The following ERN2 variants were observed in gnomAD, a reference collection of about 807,000 sequenced individuals.
The protein encoded by ERN2 is endoplasmic reticulum to nucleus signaling 2.
In ERN2, 111 loss-of-function variants were observed where a neutral mutation model predicts 107.9. The observed-to-expected ratio is 1.03, with a 90% CI of 0.88 to 1.20. The LOEUF (loss-of-function observed/expected upper bound fraction) is 1.20. Ranked by LOEUF, ERN2 falls within the 50% of genes most tolerant of loss-of-function variation. The pLI is 0.00. For synonymous variants in ERN2, 524 were observed against 501.7 expected, an observed-to-expected ratio of 1.04 and a Z score of -0.59; for missense variants, 1,225 against 1,197.9, an observed-to-expected ratio of 1.02 and a Z score of -0.33.
chr16:23,695,938 G>A lies in ERN2; in HGVS notation c.1566C>T (p.Pro522=). The part of the protein sequence containing the change: ...LTVVGKISFN[P]KDVLGRGAGG... ...CTGCCCCGCGGCCCAGCACGTCCTT[G>A]GGATTGAAGGAAATCTTCCCCACTA... Residue 522 remains proline (P), a synonymous_variant, in exon 14 of 22, where the codon CCC becomes CCT. Transcript: ENST00000256797. 1 of 1,614,176 alleles carries A rather than the reference G, an allele frequency of 6.2e-7. No homozygotes were observed. The highest frequency in any genetic ancestry group is 1.1e-5 in the South Asian group (1 of 91,088).
At chr16:23,705,950 G>T (rs7192169) in intron 7 of ERN2, among the ~76,000 whole-genome samples, 2,482 of 152,226 alleles carry the variant, frequency 0.016, 57 homozygotes, top group African/African-American at 0.056. Context: ...GTCACCTGGG[G>T]AGTCGGTCTA....
Position 23,713,207 on chromosome 16 carries a change from G to C in ERN2, c.-20C>G, listed in dbSNP as rs893560086. 7.6e-6 allele frequency: 12 copies of C among 1,579,094 alleles called. No individual in the cohort carries two copies. The highest frequency in any genetic ancestry group is 1.1e-5 in the South Asian group (1 of 87,290). On this transcript the variant is annotated 5_prime_UTR_variant, in exon 1 of 22. Coordinates refer to ENST00000256797, the MANE Select transcript of ERN2 (RefSeq NM_033266.4). ...CGCCATAGCGCCTGGGCAGCTGCAC[G>C]GCTGGCCAGGTCCCTGGGTGCCTCC...
chr16:23,695,474 C>T (rs1959777241), intron 14 of ERN2, 85 bp from the exon 15 acceptor site: 1 of 1,382,466 alleles, frequency 7.2e-7, no homozygotes. Flanking sequence ...ACCTGTAATC[C>T]TAGCACTTTG....
chr16:23,705,786 C>A (rs974080417), intron 7 of ERN2, among the ~76,000 whole-genome samples: 2 of 152,134 alleles, frequency 1.3e-5, no homozygotes, highest in Admixed American at 1.3e-4. Context: ...TGGTGGTACA[C>A]ATCTGCAGTC....
At position 23,694,938 on chromosome 16, in the gene ERN2, G is replaced by A. The variant is rs747549420; in HGVS notation, c.1901-11C>T. 15 of 1,613,992 alleles carry A rather than the reference G, an allele frequency of 9.3e-6. No individual in the cohort carries two copies. The highest frequency in any genetic ancestry group is 1.3e-5 in the Non-Finnish European group (15 of 1,179,952). On this transcript the variant is annotated splice_polypyrimidine_tract_variant and intron_variant, in intron 16 of 21. Transcript: ENST00000256797. Reference sequence around the variant, plus strand: ...TCAGGTCCCGGTGCACTGTGGGAGAGGGGCAGAAAGAAAGCTGGTTGCTGA... The same window carrying A: ...TCAGGTCCCGGTGCACTGTGGGAGAAGGGCAGAAAGAAAGCTGGTTGCTGA...
At position 23,701,073 on chromosome 16, in the gene ERN2, C is replaced by T; in HGVS notation, c.1245G>A (p.Leu415=). The T allele has an allele frequency of 6.2e-7, 1 of 1,614,172 alleles. No individual in the cohort carries two copies. Among genetic ancestry groups the T allele is most frequent in the Non-Finnish European group, 8.5e-7 (1 of 1,180,004 alleles). Reference sequence around the variant, plus strand: ...AGTCTGGAGTTTTTTCTTCTGGATGCAGCTCGGAGTCCCAAAGTTTCTCTC... The same window carrying T: ...AGTCTGGAGTTTTTTCTTCTGGATGTAGCTCGGAGTCCCAAAGTTTCTCTC... ...LSREKLWDSE[L]HPEEKTPDSY... Residue 415 remains leucine, a synonymous_variant, in exon 12 of 22, where the codon CTG becomes CTA. Coordinates refer to ENST00000256797, the MANE Select transcript of ERN2 (RefSeq NM_033266.4).
Position 23,695,896 on chromosome 16 carries a change from G to GC in ERN2, c.1607_1608insG (p.Phe536LeufsTer6). On this transcript the variant is annotated frameshift_variant, in exon 14 of 22. Coordinates refer to ENST00000256797, the MANE Select transcript of ERN2 (RefSeq NM_033266.4). LOFTEE classifies it high-confidence loss of function. ...CTTGGCTCCTGGCTGCCACTCACCG[G>GC]AAAACGAAAGTCCCGCCTGCCCCGC... The GC allele has an allele frequency of 6.2e-7, 1 of 1,613,812 alleles. No homozygotes were observed. Among genetic ancestry groups the GC allele is most frequent in the Non-Finnish European group, 8.5e-7 (1 of 1,179,752 alleles).
intron 15 of ERN2, 23 bp from the exon 16 acceptor site, chr16:23,695,141 G>A: frequency 1.9e-6 from 3 of 1,613,716 alleles, no homozygotes; most frequent in Non-Finnish European, 8.5e-7. Context: ...AAGGGCCAAA[G>A]CATCACTCTC....
intron 11 of ERN2, 66 bp from the exon 12 acceptor site, chr16:23,701,180 T>G: frequency 1.3e-6 from 2 of 1,544,728 alleles, no homozygotes; most frequent in South Asian, 2.5e-5. Context: ...CTTTTCTTCA[T>G]CACCCAGCAC....
At position 23,695,928 on chromosome 16, in the gene ERN2, G is replaced by A; in HGVS notation, c.1576C>T (p.Leu526=). The change falls in exon 14 of 22, where the codon CTG becomes TTG. Residue 526 remains leucine (L), a synonymous_variant. Coordinates refer to ENST00000256797, the MANE Select transcript of ERN2 (RefSeq NM_033266.4). ...AAAGTCCCGCCTGCCCCGCGGCCCA[G>A]CACGTCCTTGGGATTGAAGGAAATC... ...GKISFNPKDV[L]GRGAGGTFVF... 6.2e-7 allele frequency: 1 copy of A among 1,614,180 alleles called. No homozygotes were observed. Among genetic ancestry groups the A allele is most frequent in the Non-Finnish European group, 8.5e-7 (1 of 1,180,006 alleles).
intron 12 of ERN2, 106 bp downstream of exon 12, chr16:23,700,852 AG>A: frequency 6.8e-7 from 1 of 1,473,362 alleles, no homozygotes. Flanking sequence ...GGAGGGAGGC[AG>A]GGGGCAAAAT....
At chr16:23,697,555 A>G (rs1016733090) in intron 13 of ERN2, among the ~76,000 whole-genome samples, 3 of 152,068 alleles carry the variant, frequency 2.0e-5, no homozygotes, top group African/African-American at 7.2e-5. Flanking sequence ...CTCGGCATGG[A>G]GTAAACACTT....
chr16:23,693,059 G>C (rs550901084), intron 17 of ERN2, among the ~76,000 whole-genome samples: 4 of 151,880 alleles, frequency 2.6e-5, no homozygotes, highest in African/African-American at 9.7e-5. Context: ...CTGACACCTT[G>C]TAATCCCAGC....
At position 23,702,466 on chromosome 16, in the gene ERN2, C is replaced by G. The variant is rs1488882837; in HGVS notation, c.1005G>C (p.Glu335Asp). ...CAGCAGTGCTGGGTGAGCCCTCTCG[C>G]TCTCCTGAGACTTGGAGTGTCACCT... is the stretch of plus-strand genomic sequence containing the variant. ...TDEVTLQVSG[E>D]REGSPSTAVR... Residue 335 changes from glutamate (E) to aspartate (D), a missense_variant, in exon 10 of 22, where the codon GAG becomes GAC. Coordinates refer to ENST00000256797, the MANE Select transcript of ERN2 (RefSeq NM_033266.4). The G allele has an allele frequency of 6.2e-7, 1 of 1,613,576 alleles. No individual in the cohort carries two copies. The highest frequency in any genetic ancestry group is 1.7e-5 in the Admixed American group (1 of 60,034).
Position 23,695,823 on chromosome 16 carries a change from C to T in ERN2, c.1610+71G>A, listed in dbSNP as rs528445782. 1.6e-5 allele frequency: 19 copies of T among 1,164,056 alleles called. No individual in the cohort carries two copies. In the South Asian group the frequency reaches 2.4e-4, roughly 15 times the overall value. The allele number at this position is 1,164,056 out of a possible 1,614,324, so 72.1% of individuals were successfully genotyped here. On this transcript the variant is annotated intron_variant, in intron 14 of 21. Transcript: ENST00000256797. ...CCTCGGGGAGTCTTTGAAAGAATGT[C>T]TCTCCAGGGGACAGTGCCCACGAGG...
chr16:23,694,374 T>C (rs1187435775), intron 17 of ERN2, among the ~76,000 whole-genome samples: 1 of 152,192 alleles, frequency 6.6e-6, no homozygotes, highest in Non-Finnish European at 1.5e-5. Context: ...GCTCAGGGTT[T>C]CCCAACCTCA....
intron 11 of ERN2, 126 bp from the exon 12 acceptor site, chr16:23,701,240 A>C: frequency 1.1e-6 from 1 of 925,218 alleles, no homozygotes. Context: ...TATGGTGGGA[A>C]ACGTGGCACT....
chr16:23,706,145 G>A (rs571215165), intron 7 of ERN2, 185 bp downstream of exon 7: 2 of 548,154 alleles, frequency 3.6e-6, no homozygotes, highest in Non-Finnish European at 6.4e-6. Context: ...GGTTCAGGAG[G>A]GTCAGTCTGG....
chr16:23,706,401 G>T lies in ERN2; in HGVS notation c.518C>A (p.Ala173Asp). 6.3e-7 allele frequency: 1 copy of T among 1,576,222 alleles called. No individual in the cohort carries two copies. The highest frequency in any genetic ancestry group is 8.6e-7 in the Non-Finnish European group (1 of 1,160,122). ...QYTVTMHDPR[A>D]PALRWNTTYR... is the part of the protein sequence containing the mutation. ...GGTGGTGTTCCAGCGCAGGGCTGGG[G>T]CTCTTGGGTCATGCATGGTGACCGT... Residue 173 changes from alanine to aspartate, a missense_variant, in exon 7 of 22, where the codon GCC becomes GAC. By Grantham distance (126) the Ala-to-Asp change is moderately radical (BLOSUM62 -2). Transcript: ENST00000256797.
Sources: allele counts gnomAD v4.1 joint callset (sites outside exome capture counted in the v4.1 genomes callset), GRCh38; gene constraint gnomAD v4.1.1; transcripts MANE v1.5; gene names NCBI Gene and HGNC (gene_info 2026-07-23, HGNC 2026-07-21).